Variants in AGAP1 observed in about 807,000 individuals in gnomAD.
AGAP1 encodes the protein arf-GAP with GTPase, ANK repeat and PH domain-containing protein 1.
Under a neutral mutation model 105.3 loss-of-function variants are expected in AGAP1, and 29 were observed. The ratio of observed to expected loss-of-function variants is 0.28; its 90% CI spans 0.21 to 0.38. The LOEUF is 0.38. Ranked by LOEUF, AGAP1 falls within the 10% of genes least tolerant of loss-of-function variation. The pLI is 1.00. For synonymous variants in AGAP1, 509 were observed against 485.9 expected (o/e 1.05, Z -0.63); for missense variants, 998 against 1,165.1 (o/e 0.86, Z 2.09).
intron 12 of AGAP1, among the ~76,000 whole-genome samples, chr2:235,945,565 A>C (rs1336200606): frequency 6.9e-6 from 1 of 145,056 alleles, no homozygotes. Flanking sequence ...ATTTTACAAT[A>C]ATATCTTTGC....
chr2:236,048,146 TTTACTTAAC>T (rs572583092), intron 15 of AGAP1, among the ~76,000 whole-genome samples: 1 of 152,206 alleles, frequency 6.6e-6, no homozygotes, highest in Non-Finnish European at 1.5e-5. Flanking sequence ...GTAAGCCGTA[TTTACTTAAC>T]AGTGGTGAAA....
rs1172019100 is a variant in AGAP1, at chr2:236,000,628, C to T, written c.1645+32005C>T. On this transcript the variant is annotated intron_variant, in intron 13 of 17. Transcript: ENST00000304032. The surrounding 1 kb of genome is among the most constrained non-coding windows in gnomAD (Gnocchi z 4.3). Reference sequence around the variant, plus strand: ...CTGACTTAAGCAGGATGGGCATGGACATCGTTGGCACTCACTTCCCTGCAG... The same window carrying T: ...CTGACTTAAGCAGGATGGGCATGGATATCGTTGGCACTCACTTCCCTGCAG... Among the ~76,000 whole-genome samples the T allele has an allele frequency of 6.6e-6, 1 of 152,208 alleles. No individual in the cohort carries two copies. The highest frequency in any genetic ancestry group is 2.4e-5 in the African/African-American group (1 of 41,462).
At chr2:235,940,930 C>G (rs539838574) in intron 12 of AGAP1, among the ~76,000 whole-genome samples, 2 of 152,282 alleles carry the variant, frequency 1.3e-5, no homozygotes, top group Admixed American at 1.3e-4. Flanking sequence ...GATAGCATCC[C>G]CAAATAGGAA....
At chr2:236,028,018 T>C (rs751373428) in intron 13 of AGAP1, among the ~76,000 whole-genome samples, 1 of 152,150 alleles carries the variant, frequency 6.6e-6, no homozygotes, top group East Asian at 1.9e-4. Context: ...TTTAGAGTTA[T>C]TGCACGGGAC....
At chr2:235,831,299 G>A (rs772985983) in intron 9 of AGAP1, among the ~76,000 whole-genome samples, 2 of 152,090 alleles carry the variant, frequency 1.3e-5, no homozygotes, top group African/African-American at 2.4e-5. Flanking sequence ...GTCTGTTGCA[G>A]CCGATGAGCC....
intron 9 of AGAP1, among the ~76,000 whole-genome samples, chr2:235,878,044 C>T (rs1424113374): frequency 2.0e-5 from 3 of 152,214 alleles, no homozygotes; most frequent in African/African-American, 7.2e-5. Flanking sequence ...GAGAGAAGGG[C>T]CCACGGTGCC....
At chr2:235,828,874 T>C (rs1387575932) in intron 9 of AGAP1, among the ~76,000 whole-genome samples, 3 of 152,166 alleles carry the variant, frequency 2.0e-5, no homozygotes, top group African/African-American at 7.2e-5. Context: ...CAATGGATGC[T>C]CCGAGAAAGA....
At position 235,660,094 on chromosome 2, in the gene AGAP1, C is replaced by T. The variant is rs570159910; in HGVS notation, c.164-49085C>T. Among the ~76,000 whole-genome samples, 17 of 152,336 alleles carry T rather than the reference C, an allele frequency of 1.1e-4. 1 individual carries two copies. In the South Asian group the frequency reaches 2.7e-3, roughly 24 times the overall value. ...TCTGGGATGCCCCCACCCCTCAGCA[C>T]ACACAGTGACTGTGTTTTCATGTTT... On this transcript the variant is annotated intron_variant, in intron 1 of 17. Coordinates refer to ENST00000304032, the MANE Select transcript of AGAP1 (RefSeq NM_001037131.3). This position sits in a 1 kb window ranked among gnomAD's most constrained non-coding sequence, Gnocchi z 5.3.
At chr2:235,523,618 A>T (rs1465027796) in intron 1 of AGAP1, among the ~76,000 whole-genome samples, 1 of 152,136 alleles carries the variant, frequency 6.6e-6, no homozygotes, top group Non-Finnish European at 1.5e-5. Context: ...GTAAGGCTTT[A>T]TCCCACCCAG....
rs908439460 is a variant in AGAP1 at position 235,934,457 on chromosome 2, C to T, written c.1483+3534C>T. Among the ~76,000 whole-genome samples, 4 of 152,182 alleles carry T rather than the reference C, an allele frequency of 2.6e-5. No individual in the cohort carries two copies. The highest frequency in any genetic ancestry group is 2.1e-4 in the South Asian group (1 of 4,826). On this transcript the variant is annotated intron_variant, in intron 12 of 17. Transcript: ENST00000304032. The surrounding 1 kb of genome is among the most constrained non-coding windows in gnomAD (Gnocchi z 4.9). The stretch of plus-strand genomic sequence containing the variant: ...CATTCCCCCCTTTAGTGTGCTGCTT[C>T]GTCAAGTGGCCAGACCCCAGCAATG...
At chr2:235,947,288 TA>T (rs763504088) in intron 12 of AGAP1, among the ~76,000 whole-genome samples, 1 of 152,176 alleles carries the variant, frequency 6.6e-6, no homozygotes, top group Non-Finnish European at 1.5e-5. Flanking sequence ...TGCATCCTCA[TA>T]GCTTAGCTCC....
chr2:235,943,687 C>T (rs1222015719), intron 12 of AGAP1, among the ~76,000 whole-genome samples: 12 of 152,012 alleles, frequency 7.9e-5, no homozygotes, highest in Admixed American at 7.9e-4. Flanking sequence ...GAAAGAAAGG[C>T]ATGGAAGAAA....
At chr2:235,921,676 A>G (rs546448707) in intron 11 of AGAP1, among the ~76,000 whole-genome samples, 2 of 152,324 alleles carry the variant, frequency 1.3e-5, no homozygotes, top group Non-Finnish European at 1.5e-5. Context: ...GATAAACATA[A>G]CATGGAAAAT....
intron 15 of AGAP1, among the ~76,000 whole-genome samples, chr2:236,048,712 T>G (rs1378296373): frequency 2.0e-5 from 3 of 152,148 alleles, no homozygotes; most frequent in African/African-American, 7.2e-5. Context: ...GGATGCCGAG[T>G]CACACGTGCT....
At chr2:235,857,443 C>A (rs115007122) in intron 9 of AGAP1, among the ~76,000 whole-genome samples, 1 of 152,206 alleles carries the variant, frequency 6.6e-6, no homozygotes, top group African/African-American at 2.4e-5. Context: ...CCCAAGGAGA[C>A]CTCAGACACA....
At chr2:235,680,195 G>A (rs1409015270) in intron 1 of AGAP1, among the ~76,000 whole-genome samples, 1 of 152,234 alleles carries the variant, frequency 6.6e-6, no homozygotes, top group Non-Finnish European at 1.5e-5. Context: ...CTGAAGAGCG[G>A]TAATTAAATA....
At chr2:235,852,233 C>T (rs1031618812) in intron 9 of AGAP1, among the ~76,000 whole-genome samples, 1 of 152,214 alleles carries the variant, frequency 6.6e-6, no homozygotes, top group African/African-American at 2.4e-5. Flanking sequence ...ATTTGAGCAC[C>T]CAAATTAAAA....
At chr2:236,006,681 T>C (rs1020842242) in intron 13 of AGAP1, among the ~76,000 whole-genome samples, 1 of 152,190 alleles carries the variant, frequency 6.6e-6, no homozygotes, top group Non-Finnish European at 1.5e-5. Flanking sequence ...AGTAGTATTT[T>C]TTATTGTAGA....
rs1278483668 is a variant in AGAP1 at position 235,596,069 on chromosome 2, T to TA, written c.163+101222dup. 6.6e-6 allele frequency among the ~76,000 whole-genome samples: 1 copy of TA among 152,210 alleles called. No homozygotes were observed. The highest frequency in any genetic ancestry group is 1.5e-5 in the Non-Finnish European group (1 of 68,038). ...TCGCAGCCCTGTGAATTGTGTGCCC[T>TA]AAGAGCCAGCTGTGCTCCTAACAGT... On this transcript the variant is annotated intron_variant, in intron 1 of 17. Transcript: ENST00000304032. The surrounding 1 kb of genome is among the most constrained non-coding windows in gnomAD (Gnocchi z 5.9).
Sources: allele counts gnomAD v4.1 joint callset (sites outside exome capture counted in the v4.1 genomes callset), GRCh38; gene constraint gnomAD v4.1.1; non-coding constraint Gnocchi (gnomAD v3.1); transcripts MANE v1.5; gene names NCBI Gene and HGNC (gene_info 2026-07-23, HGNC 2026-07-21).